Variants in AKAP12 observed in about 807,000 individuals in gnomAD.
AKAP12 encodes A-kinase anchoring protein 12.
In AKAP12, 32 loss-of-function variants were observed where a neutral mutation model predicts 79.9. That is an observed-to-expected ratio of 0.40 (90% confidence interval 0.30 to 0.54). The LOEUF (loss-of-function observed/expected upper bound fraction) is 0.54. AKAP12 is among the 20% of genes least tolerant of loss of function. AKAP12 has a pLI of 0.48. For synonymous variants in AKAP12, 808 were observed against 857.0 expected (o/e 0.94, Z 1.00); for missense variants, 2,074 against 2,177.0 (o/e 0.95, Z 0.94).
At chr6:151,281,605 A>G (rs1247767439) in intron 2 of AKAP12, among the ~76,000 whole-genome samples, 1 of 152,208 alleles carries the variant, frequency 6.6e-6, no homozygotes, top group East Asian at 1.9e-4. Context: ...ATGATGCTAT[A>G]TAGAATTTTA....
At chr6:151,320,340 G>A (rs555593438) in intron 3 of AKAP12, among the ~76,000 whole-genome samples, 13 of 151,632 alleles carry the variant, frequency 8.6e-5, no homozygotes, top group East Asian at 5.8e-4. Flanking sequence ...GGCTGGTCTC[G>A]CACTCCTGGC....
chr6:151,325,843 A>C (rs377621192), intron 3 of AKAP12: 1 of 1,614,132 alleles, frequency 6.2e-7, no homozygotes, highest in Non-Finnish European at 8.5e-7. Context: ...TCTCCTGTAC[A>C]GTAGTGCTAC....
chr6:151,324,942 A>G, intron 3 of AKAP12: 3 of 985,448 alleles, frequency 3.0e-6, no homozygotes, highest in Non-Finnish European at 3.6e-6. Context: ...TAGAGATATG[A>G]TAGTGTCTAA....
intron 2 of AKAP12, among the ~76,000 whole-genome samples, chr6:151,277,022 C>T (rs913868269): frequency 6.6e-6 from 1 of 152,092 alleles, no homozygotes; most frequent in Non-Finnish European, 1.5e-5. Flanking sequence ...ATTTAGTTAA[C>T]AAGAAAACAA....
At chr6:151,250,189 G>T (rs1301098132) in intron 2 of AKAP12, among the ~76,000 whole-genome samples, 2 of 152,080 alleles carry the variant, frequency 1.3e-5, no homozygotes. Context: ...AAGCTGCAGA[G>T]ACCCTGTCTC....
At chr6:151,250,980 C>G (rs1382387676) in intron 2 of AKAP12, among the ~76,000 whole-genome samples, 1 of 152,148 alleles carries the variant, frequency 6.6e-6, no homozygotes, top group Non-Finnish European at 1.5e-5. Context: ...AAAAACATTA[C>G]CCTTGAACAC....
chr6:151,248,063 G>GAT (rs35422994), intron 2 of AKAP12, among the ~76,000 whole-genome samples: 5,170 of 152,196 alleles, frequency 0.034, 112 homozygotes, highest in Middle Eastern at 0.058. Context: ...AAGAAGGAGA[G>GAT]ATTACTGCAG....
intron 2 of AKAP12, among the ~76,000 whole-genome samples, chr6:151,258,926 CTGTG>C (rs35650826): frequency 5.9e-4 from 87 of 148,058 alleles, no homozygotes; most frequent in East Asian, 9.9e-4. Context: ...TGTGCCCAGC[CTGTG>C]TGTGTGTGTG....
intron 2 of AKAP12, among the ~76,000 whole-genome samples, chr6:151,275,453 A>G (rs1274604754): frequency 6.6e-6 from 1 of 152,162 alleles, no homozygotes; most frequent in East Asian, 1.9e-4. Flanking sequence ...AGAAGAATGG[A>G]TTATGAAAAA....
At chr6:151,270,148 C>T (rs1472063374) in intron 2 of AKAP12, among the ~76,000 whole-genome samples, 1 of 152,198 alleles carries the variant, frequency 6.6e-6, no homozygotes. Flanking sequence ...CCTCCGCCTC[C>T]TGGGTTCAAG....
At chr6:151,307,949 C>G (rs1777010471) in intron 3 of AKAP12, among the ~76,000 whole-genome samples, 1 of 152,164 alleles carries the variant, frequency 6.6e-6, no homozygotes, top group African/African-American at 2.4e-5. Flanking sequence ...ACTGCAACAT[C>G]TGCCTCCCCG....
chr6:151,258,781 G>C (rs940274451), intron 2 of AKAP12, among the ~76,000 whole-genome samples: 3 of 151,446 alleles, frequency 2.0e-5, no homozygotes, highest in Non-Finnish European at 4.4e-5. Flanking sequence ...GGTGTGTGCT[G>C]CTACACCAGC....
intron 2 of AKAP12, among the ~76,000 whole-genome samples, chr6:151,282,024 G>C (rs1232377319): frequency 2.6e-5 from 4 of 151,904 alleles, no homozygotes; most frequent in Non-Finnish European, 4.4e-5. Context: ...GCCAGAATGT[G>C]TGATGCAGGA....
intron 2 of AKAP12, among the ~76,000 whole-genome samples, chr6:151,241,761 C>G (rs1323582925): frequency 6.9e-6 from 1 of 145,388 alleles, no homozygotes; most frequent in Non-Finnish European, 1.5e-5. Context: ...GTTAAATTTG[C>G]GGTATGTCAA....
Position 151,351,519 on chromosome 6 carries a change from T to G in AKAP12, c.3128T>G (p.Leu1043Arg), listed in dbSNP as rs758214075. The part of the protein sequence containing the change: ...EEQERRTQEV[L>R]QAVAEKVKEE... ...CAAGAGAGGCGGACTCAAGAGGTCC[T>G]CCAGGCAGTGGCAGAAAAAGTGAAA... is the stretch of plus-strand genomic sequence containing the variant. Residue 1043 changes from leucine to arginine, a missense_variant, in exon 4 of 5, where the codon CTC becomes CGC. Leu to Arg is a moderately radical substitution (Grantham distance 102, BLOSUM62 -2). Transcript: ENST00000402676. The surrounding 1 kb of genome is among the most constrained non-coding windows in gnomAD (Gnocchi z 4.4). 1 of 1,614,062 alleles carries G rather than the reference T, an allele frequency of 6.2e-7. No individual in the cohort carries two copies. Among genetic ancestry groups the G allele is most frequent in the South Asian group, 1.1e-5 (1 of 91,086 alleles).
In AKAP12 at chr6:151,284,255, C is replaced by T. The variant is rs148988963; in HGVS notation, c.163-21492C>T. 2.0e-3 allele frequency among the ~76,000 whole-genome samples: 301 copies of T among 152,254 alleles called. 2 individuals are homozygous for T. Among genetic ancestry groups the T allele is most frequent in the African/African-American group, 6.8e-3 (283 of 41,566 alleles). The stretch of plus-strand genomic sequence containing the variant: ...TATGCAGTGATCTTTGAAACCTGCA[C>T]GTTGAGTCATGTCGTTACCAGAACT... On this transcript the variant is annotated intron_variant, in intron 2 of 4. Coordinates refer to ENST00000402676, the MANE Select transcript of AKAP12 (RefSeq NM_005100.4).
intron 1 of AKAP12, 65 bp from the exon 2 acceptor site, chr6:151,240,319 A>C: frequency 1.6e-5 from 6 of 369,322 alleles, no homozygotes; most frequent in Non-Finnish European, 1.9e-5. Flanking sequence ...AAGCGAGGGA[A>C]AAACCGGGGG....
chr6:151,264,235 A>G (rs1419530372), intron 2 of AKAP12, among the ~76,000 whole-genome samples: 1 of 152,148 alleles, frequency 6.6e-6, no homozygotes, highest in African/African-American at 2.4e-5. Flanking sequence ...TGAACTGCTG[A>G]CATTCCTTGA....
At chr6:151,320,329 A>G (rs756427035) in intron 3 of AKAP12, among the ~76,000 whole-genome samples, 9 of 151,946 alleles carry the variant, frequency 5.9e-5, no homozygotes, top group Non-Finnish European at 2.9e-5. Context: ...TGTGTTGCCC[A>G]GGCTGGTCTC....
Sources: allele counts gnomAD v4.1 joint callset (sites outside exome capture counted in the v4.1 genomes callset), GRCh38; gene constraint gnomAD v4.1.1; non-coding constraint Gnocchi (gnomAD v3.1); transcripts MANE v1.5; gene names NCBI Gene and HGNC (gene_info 2026-07-23, HGNC 2026-07-21).